Variants in AVEN observed in about 807,000 individuals in gnomAD.
AVEN encodes apoptosis and caspase activation inhibitor, also known as cell death regulator Aven.
Under a neutral mutation model 38.1 loss-of-function variants are expected in AVEN, and 41 were observed. That is an observed-to-expected ratio of 1.08 (90% CI 0.84 to 1.40). The LOEUF is 1.40. Ranked by LOEUF, AVEN falls within the 40% of genes most tolerant of loss-of-function variation. The pLI, the probability that AVEN is intolerant of heterozygous loss-of-function variation, is 0.00. For missense variants in AVEN, 605 were observed against 438.8 expected (o/e 1.38, Z -3.38); for synonymous variants, 206 against 171.8 (o/e 1.20, Z -1.56).
chr15:34,062,520 A>C, intron 5 of AVEN: 1 of 541,568 alleles, frequency 1.8e-6, no homozygotes, highest in Non-Finnish European at 3.1e-6. Context: ...GCACCACTGC[A>C]CTCCAGCCTG....
upstream of AVEN, among the ~76,000 whole-genome samples, chr15:34,040,836 A>G (rs1028053196): frequency 2.0e-5 from 3 of 151,694 alleles, no homozygotes; most frequent in Non-Finnish European, 4.4e-5. Flanking sequence ...GAATCATTTG[A>G]GCCCAGGAGG....
At chr15:34,053,388 A>G (rs1316797090) in intron 5 of AVEN, among the ~76,000 whole-genome samples, 1 of 149,652 alleles carries the variant, frequency 6.7e-6, no homozygotes, top group Non-Finnish European at 1.5e-5. Flanking sequence ...CGAAGGAAAA[A>G]GAACAAAGCT....
chr15:34,025,033 T>C (rs1281990773), intron 1 of AVEN, among the ~76,000 whole-genome samples: 4 of 150,840 alleles, frequency 2.7e-5, no homozygotes, highest in African/African-American at 9.8e-5. Context: ...TAGCTGGGCA[T>C]GGTGGTAGGA....
At chr15:33,908,858 G>C (rs1037285846) in intron 2 of AVEN, among the ~76,000 whole-genome samples, 1 of 152,198 alleles carries the variant, frequency 6.6e-6, no homozygotes, top group Non-Finnish European at 1.5e-5. Context: ...GAAGTCTGCA[G>C]GAGAAAAGAC....
intron 5 of AVEN, among the ~76,000 whole-genome samples, chr15:34,047,303 T>C (rs996884852): frequency 2.6e-5 from 4 of 152,136 alleles, no homozygotes; most frequent in African/African-American, 9.7e-5. Context: ...GGTCTGGATC[T>C]CCTGACCTGA....
intron 5 of AVEN, among the ~76,000 whole-genome samples, chr15:34,052,677 T>C (rs900410438): frequency 1.6e-4 from 24 of 152,268 alleles, no homozygotes; most frequent in African/African-American, 5.1e-4. Flanking sequence ...GTGCAAAAAT[T>C]GCTAGCATTC....
chr15:33,950,274 T>C (rs1316310325), intron 2 of AVEN, among the ~76,000 whole-genome samples: 3 of 152,154 alleles, frequency 2.0e-5, no homozygotes, highest in African/African-American at 7.2e-5. Flanking sequence ...GTTCTGGAGA[T>C]CTAACAAACA....
intron 2 of AVEN, among the ~76,000 whole-genome samples, chr15:33,981,225 G>C (rs1896129412): frequency 6.6e-6 from 1 of 152,150 alleles, no homozygotes. Flanking sequence ...ATATGAAGCG[G>C]ATGAATTTCA....
In AVEN at chr15:34,007,055, C is replaced by G; in HGVS notation, c.268-3846G>C. The G allele has an allele frequency of 3.0e-6, 3 of 984,260 alleles. No individual in the cohort carries two copies. The South Asian group carries it at 1.4e-4, about 46-fold the overall frequency. 61.0% of individuals were successfully genotyped at this position (984,260 alleles called of 1,614,324 possible). The stretch of plus-strand genomic sequence containing the variant: ...ACTGTAATAGTTCATACCTGGACAT[C>G]GGTCACTGGTTGCATTGTTCAGAGA... On this transcript the variant is annotated intron_variant, in intron 1 of 5. Transcript: ENST00000306730.
intron 1 of AVEN, among the ~76,000 whole-genome samples, chr15:34,038,202 A>G (rs187888369): frequency 6.2e-4 from 95 of 152,354 alleles, no homozygotes; most frequent in African/African-American, 2.2e-3. Flanking sequence ...GAACTACGCT[A>G]TTACAAAGAA....
downstream of AVEN, among the ~76,000 whole-genome samples, chr15:33,862,956 C>G (rs893035190): frequency 2.6e-5 from 4 of 152,208 alleles, no homozygotes; most frequent in East Asian, 7.7e-4. Context: ...TTACTGTGCC[C>G]TTCCTCATGA....
At chr15:33,929,278 CT>C (rs1893749042) in intron 2 of AVEN, among the ~76,000 whole-genome samples, 1 of 152,182 alleles carries the variant, frequency 6.6e-6, no homozygotes, top group African/African-American at 2.4e-5. Context: ...AGTATGCTGA[CT>C]GTTATCCGCT....
At chr15:33,955,697 T>C (rs141794659) in intron 2 of AVEN, among the ~76,000 whole-genome samples, 4 of 152,218 alleles carry the variant, frequency 2.6e-5, no homozygotes, top group Non-Finnish European at 5.9e-5. Flanking sequence ...TTAAATTACA[T>C]GCATTACTTG....
chr15:33,879,894 T>C (rs1234853143), intron 2 of AVEN, among the ~76,000 whole-genome samples: 1 of 152,090 alleles, frequency 6.6e-6, no homozygotes, highest in Non-Finnish European at 1.5e-5. Context: ...AAGAGAACTA[T>C]TCAGAGAAAA....
At chr15:34,045,618 T>C (rs1212832181) in intron 5 of AVEN, among the ~76,000 whole-genome samples, 1 of 152,110 alleles carries the variant, frequency 6.6e-6, no homozygotes, top group Non-Finnish European at 1.5e-5. Context: ...CACTGGGTTG[T>C]AGATGCCATT....
rs935556098 is a variant in AVEN at position 33,918,642 on chromosome 15, T to TG, written c.446-42648dup. Among the ~76,000 whole-genome samples the TG allele has an allele frequency of 2.6e-5, 4 of 151,746 alleles. 1 individual carries two copies. In the South Asian group the frequency reaches 8.3e-4, roughly 32 times the overall value. ...TAATTTTTTGTATTTTTAGCAGAGATGGGGGTTTCTCCATGTTGGCCAGGC... is the reference window on the plus strand; with the variant it reads ...TAATTTTTTGTATTTTTAGCAGAGATGGGGGGTTTCTCCATGTTGGCCAGGC... On this transcript the variant is annotated intron_variant, in intron 2 of 5. Coordinates refer to ENST00000306730, the MANE Select transcript of AVEN (RefSeq NM_020371.3).
At chr15:33,870,827 T>TGAGGG (rs1890915225) in intron 4 of AVEN, 108 bp downstream of exon 4, 1 of 745,892 alleles carries the variant, frequency 1.3e-6, no homozygotes, top group Non-Finnish European at 2.0e-6. Flanking sequence ...AAACCCTCAC[T>TGAGGG]TTTATAAAGG....
At chr15:33,856,219 GCTTT>G (rs756594128), downstream of AVEN, 3 of 152,146 alleles carry the variant, frequency 2.0e-5, no homozygotes, top group Non-Finnish European at 4.4e-5. Context: ...TAAACCACCT[GCTTT>G]CTGTGAGGTC....
At position 33,937,826 on chromosome 15, in the gene AVEN, A is replaced by G. The variant is rs1894146705; in HGVS notation, c.446-61831T>C. 4.0e-5 allele frequency among the ~76,000 whole-genome samples: 6 copies of G among 151,790 alleles called. No individual in the cohort carries two copies. In the South Asian group the frequency reaches 1.3e-3, roughly 32 times the overall value. On this transcript the variant is annotated intron_variant, in intron 2 of 5. Coordinates refer to ENST00000306730, the MANE Select transcript of AVEN (RefSeq NM_020371.3). ...CAACAACCCTTCTGGTACCTTGATC[A>G]TAGACTTCCAGTCTCCAGAACTGTG...
Sources: gnomAD v4.1 joint callset for allele counts (sites outside exome capture counted in the v4.1 genomes callset) on GRCh38, gnomAD v4.1.1 for gene constraint, MANE v1.5 for transcripts, NCBI Gene and HGNC (gene_info 2026-07-23, HGNC 2026-07-21) for gene names.